Variants in PDE4B observed in about 807,000 individuals in gnomAD.
PDE4B encodes 3',5'-cyclic-AMP phosphodiesterase 4B.
A neutral mutation model predicts 82.2 loss-of-function variants in PDE4B; 20 were observed. That is an observed-to-expected ratio of 0.24 (90% CI 0.17 to 0.35). PDE4B has a LOEUF of 0.35. Ranked by LOEUF, PDE4B falls within the 10% of genes least tolerant of loss-of-function variation. The pLI is 1.00. For synonymous variants in PDE4B, 320 were observed against 318.9 expected (o/e 1.00, Z -0.04); for missense variants, 655 against 907.2 (o/e 0.72, Z 3.57).
chr1:65,992,611 G>A lies in PDE4B; in HGVS notation c.281+73776G>A, dbSNP rs1569907898. 3 of 408,420 alleles carry A rather than the reference G, an allele frequency of 7.3e-6. No homozygotes were observed. In the East Asian group the frequency reaches 2.2e-4, roughly 30 times the overall value. The allele number at this position is 408,420 out of a possible 1,614,324, so 25.3% of individuals were successfully genotyped here. On this transcript the variant is annotated intron_variant, in intron 3 of 16. Coordinates refer to ENST00000341517, the MANE Select transcript of PDE4B (RefSeq NM_002600.4). The stretch of plus-strand genomic sequence containing the variant: ...ATATTCAGCTGAATGAATTCAGTGA[G>A]TGTCAGTGTGTAGCTTGCAGACAAA...
intron 3 of PDE4B, among the ~76,000 whole-genome samples, chr1:66,212,731 C>A (rs553470400): frequency 6.6e-5 from 10 of 152,296 alleles, no homozygotes; most frequent in African/African-American, 2.2e-4. Flanking sequence ...TGACCCTAAT[C>A]TTAGTGACCT....
At chr1:66,084,218 A>G (rs1383050622) in intron 3 of PDE4B, among the ~76,000 whole-genome samples, 1 of 152,170 alleles carries the variant, frequency 6.6e-6, no homozygotes, top group Non-Finnish European at 1.5e-5. Context: ...GTGACTGAAA[A>G]CATACAATAT....
chr1:65,837,696 C>T (rs1405711511), intron 1 of PDE4B, among the ~76,000 whole-genome samples: 1 of 152,138 alleles, frequency 6.6e-6, no homozygotes, highest in African/African-American at 2.4e-5. Flanking sequence ...TGACGAACAA[C>T]CTTACTGGCA....
At chr1:65,827,560 GA>G (rs1299363734) in intron 1 of PDE4B, among the ~76,000 whole-genome samples, 2 of 152,132 alleles carry the variant, frequency 1.3e-5, no homozygotes, top group South Asian at 2.1e-4. Flanking sequence ...ACTGAATTTG[GA>G]GGTAGGTGAA....
intron 3 of PDE4B, among the ~76,000 whole-genome samples, chr1:65,969,779 T>C (rs1650035354): frequency 1.3e-5 from 2 of 152,102 alleles, no homozygotes; most frequent in East Asian, 3.9e-4. Flanking sequence ...AATGGTATGA[T>C]TAGTTTTGTT....
chr1:66,042,702 A>G (rs1490552471), intron 3 of PDE4B: 1 of 151,756 alleles, frequency 6.6e-6, no homozygotes, highest in Admixed American at 6.6e-5. Flanking sequence ...ACTTAATAAG[A>G]CGTTTCCCTG....
At chr1:66,100,832 A>T (rs763871449) in intron 3 of PDE4B, among the ~76,000 whole-genome samples, 361 of 152,056 alleles carry the variant, frequency 2.4e-3, no homozygotes, top group Non-Finnish European at 4.3e-3. Flanking sequence ...TAATTTTTTT[A>T]TTTTTATTTT....
At chr1:66,223,203 C>G (rs562362201) in intron 3 of PDE4B, among the ~76,000 whole-genome samples, 6 of 152,154 alleles carry the variant, frequency 3.9e-5, no homozygotes, top group African/African-American at 1.4e-4. Flanking sequence ...GGTAGTGATG[C>G]ATGTGGTGAA....
intron 3 of PDE4B, among the ~76,000 whole-genome samples, chr1:66,093,623 C>A (rs1645064540): frequency 6.6e-6 from 1 of 152,052 alleles, no homozygotes; most frequent in South Asian, 2.1e-4. Context: ...CCTGAGGCTT[C>A]TAACCAATAA....
intron 3 of PDE4B, chr1:65,993,116 T>C (rs529480644): frequency 6.2e-7 from 1 of 1,613,662 alleles, no homozygotes; most frequent in South Asian, 1.1e-5. Flanking sequence ...TTCGGCAGCG[T>C]CGTCGCTTCA....
At chr1:66,143,736 G>A (rs1215679930) in intron 3 of PDE4B, among the ~76,000 whole-genome samples, 1 of 152,216 alleles carries the variant, frequency 6.6e-6, no homozygotes, top group African/African-American at 2.4e-5. Context: ...TGAAATATAA[G>A]CAGAGGACAT....
At chr1:65,874,180 TTGTGAATG>T (rs2100311890) in intron 1 of PDE4B, among the ~76,000 whole-genome samples, 1 of 151,906 alleles carries the variant, frequency 6.6e-6, no homozygotes, top group South Asian at 2.1e-4. Context: ...TTTGAAGCAA[TTGTGAATG>T]GGAGTTCACT....
At chr1:65,854,630 GTATTTA>G (rs2100227965) in intron 1 of PDE4B, among the ~76,000 whole-genome samples, 1 of 152,014 alleles carries the variant, frequency 6.6e-6, no homozygotes, top group South Asian at 2.1e-4. Flanking sequence ...ATGCTTTTAA[GTATTTA>G]TATTTATCAT....
intron 1 of PDE4B, among the ~76,000 whole-genome samples, chr1:65,905,778 C>T (rs940641392): frequency 6.6e-6 from 1 of 152,180 alleles, no homozygotes; most frequent in Admixed American, 6.6e-5. Context: ...CTAATGAACC[C>T]ATGATCTGTT....
intron 1 of PDE4B, among the ~76,000 whole-genome samples, chr1:65,829,912 T>G (rs1459839167): frequency 6.6e-6 from 1 of 152,188 alleles, no homozygotes; most frequent in Non-Finnish European, 1.5e-5. Flanking sequence ...ATGTGTAAAT[T>G]AGCTCTTTCT....
At chr1:66,255,881 A>C (rs557761387) in intron 4 of PDE4B, among the ~76,000 whole-genome samples, 1 of 152,354 alleles carries the variant, frequency 6.6e-6, no homozygotes, top group Non-Finnish European at 1.5e-5. Flanking sequence ...AATAGGAAGC[A>C]TAGGCTGGGT....
At chr1:66,205,850 C>T (rs1309259306) in intron 3 of PDE4B, among the ~76,000 whole-genome samples, 1 of 152,184 alleles carries the variant, frequency 6.6e-6, no homozygotes, top group Non-Finnish European at 1.5e-5. Flanking sequence ...GAGCTCATGC[C>T]CTGTTGCCTC....
At chr1:66,304,864 C>A (rs1658160008) in intron 7 of PDE4B, among the ~76,000 whole-genome samples, 1 of 152,098 alleles carries the variant, frequency 6.6e-6, no homozygotes, top group Non-Finnish European at 1.5e-5. Context: ...CACATAAACC[C>A]ATACTCAGCT....
intron 3 of PDE4B, among the ~76,000 whole-genome samples, chr1:65,998,837 A>G (rs1651699379): frequency 6.6e-6 from 1 of 150,736 alleles, no homozygotes; most frequent in African/African-American, 2.4e-5. Context: ...GGTGCTTTGT[A>G]TTTTACTTTA....
Sources: allele counts gnomAD v4.1 joint callset (sites outside exome capture counted in the v4.1 genomes callset), GRCh38; gene constraint gnomAD v4.1.1; transcripts MANE v1.5; gene names NCBI Gene and HGNC (gene_info 2026-07-23, HGNC 2026-07-21).